The following MALRD1 variants were observed in gnomAD, a reference collection of about 807,000 sequenced individuals.
MALRD1 encodes the protein MAM and LDL-receptor class A domain-containing protein 1.
In MALRD1, 247 loss-of-function variants were observed where a neutral mutation model predicts 242.1. The ratio of observed to expected loss-of-function variants is 1.02; its 90% CI spans 0.92 to 1.13. The LOEUF (loss-of-function observed/expected upper bound fraction) is 1.13. Among genes scored for constraint, MALRD1 ranks in the 50% most tolerant of loss-of-function variants. The probability of loss-of-function intolerance (pLI) is 0.00; values close to 1 mark genes in which losing one functional copy is unlikely to be tolerated. For missense variants in MALRD1, 2,989 were observed against 2,533.1 expected (o/e 1.18, Z -3.86); for synonymous variants, 995 against 866.6 (o/e 1.15, Z -2.60).
intron 28 of MALRD1, among the ~76,000 whole-genome samples, chr10:19,416,086 A>T (rs1381162706): frequency 6.6e-6 from 1 of 152,206 alleles, no homozygotes; most frequent in African/African-American, 2.4e-5. Flanking sequence ...CTTCCAGGAT[A>T]AACTGAAGTT....
chr10:19,320,418 G>T (rs1380891294), intron 21 of MALRD1, among the ~76,000 whole-genome samples: 2 of 151,994 alleles, frequency 1.3e-5, no homozygotes, highest in Non-Finnish European at 2.9e-5. Context: ...TTTTATGGCT[G>T]CACAGTATTC....
upstream of MALRD1, chr10:19,048,731 A>T (rs1213313713): frequency 3.7e-5 from 14 of 375,660 alleles, no homozygotes; most frequent in Admixed American, 6.4e-4. Context: ...CAGCGTAATT[A>T]CTCAAGTTAA....
At chr10:19,337,976 T>G (rs1843683147) in intron 24 of MALRD1, among the ~76,000 whole-genome samples, 1 of 151,248 alleles carries the variant, frequency 6.6e-6, no homozygotes, top group Admixed American at 6.6e-5. Context: ...GCAGGGGAAT[T>G]GCTTGAACCC....
intron 21 of MALRD1, among the ~76,000 whole-genome samples, chr10:19,300,450 A>G (rs553617091): frequency 1.1e-4 from 17 of 151,824 alleles, no homozygotes; most frequent in African/African-American, 4.1e-4. Context: ...CATACTACCC[A>G]ATAAACTATA....
At chr10:19,224,376 TA>T (rs1434485157) in intron 18 of MALRD1, among the ~76,000 whole-genome samples, 1 of 148,766 alleles carries the variant, frequency 6.7e-6, no homozygotes, top group Non-Finnish European at 1.5e-5. Flanking sequence ...AACCTCCACC[TA>T]ATGGGTTCAA....
intron 22 of MALRD1, among the ~76,000 whole-genome samples, chr10:19,326,143 T>G (rs981989427): frequency 4.6e-5 from 7 of 152,136 alleles, no homozygotes; most frequent in Non-Finnish European, 1.0e-4. Flanking sequence ...CCAAATGGGC[T>G]TCTGGGTTGA....
At chr10:19,325,251 G>T (rs1843077030) in intron 22 of MALRD1, among the ~76,000 whole-genome samples, 1 of 151,866 alleles carries the variant, frequency 6.6e-6, no homozygotes, top group African/African-American at 2.4e-5. Context: ...AACTGTCTCA[G>T]ATTTGGAAAT....
At chr10:19,181,126 G>A (rs1835485044) in intron 14 of MALRD1, among the ~76,000 whole-genome samples, 1 of 152,158 alleles carries the variant, frequency 6.6e-6, no homozygotes, top group South Asian at 2.1e-4. Context: ...TGTGAATTGT[G>A]CAGCCATTAT....
At chr10:19,289,929 G>T (rs2131914817) in intron 21 of MALRD1, among the ~76,000 whole-genome samples, 1 of 151,864 alleles carries the variant, frequency 6.6e-6, no homozygotes, top group East Asian at 1.9e-4. Flanking sequence ...ATTGCTTCTG[G>T]CTCAGTAAAG....
chr10:19,124,691 T>C (rs1043502223), intron 7 of MALRD1, 21 bp downstream of exon 7: 1 of 1,232,752 alleles, frequency 8.1e-7, no homozygotes, highest in African/African-American at 1.6e-5. Context: ...AAATAATATC[T>C]TTTATGTATT....
At position 19,204,915 on chromosome 10, in the gene MALRD1, T is replaced by TGTCA; in HGVS notation, c.2231_2234dup (p.Gly746SerfsTer5). On this transcript the variant is annotated frameshift_variant, in exon 17 of 40. Transcript: ENST00000454679. LOFTEE classifies it high-confidence loss of function. ...TTTTTTAGGTTCTATAACTATGGCCTGTCAGTGGGAGCAGCTGAGCTGCAG... is the reference window on the plus strand; with the variant it reads ...TTTTTTAGGTTCTATAACTATGGCCTGTCAGTCAGTGGGAGCAGCTGAGCTGCAG... The TGTCA allele has an allele frequency of 6.5e-7, 1 of 1,548,222 alleles. No homozygotes were observed. Among genetic ancestry groups the TGTCA allele is most frequent in the Non-Finnish European group, 8.7e-7 (1 of 1,145,104 alleles).
chr10:19,586,035 G>A (rs954100400), intron 33 of MALRD1, among the ~76,000 whole-genome samples: 1 of 152,100 alleles, frequency 6.6e-6, no homozygotes, highest in East Asian at 1.9e-4. Context: ...TGAGGCTTCT[G>A]CATTCTTCAC....
chr10:19,099,907 T>C (rs1836189897), intron 4 of MALRD1, among the ~76,000 whole-genome samples: 1 of 151,924 alleles, frequency 6.6e-6, no homozygotes, highest in South Asian at 2.1e-4. Flanking sequence ...ATTACAGGTG[T>C]GTACCACCAC....
chr10:19,127,059 C>G (rs1460821370), intron 7 of MALRD1, among the ~76,000 whole-genome samples: 1 of 152,168 alleles, frequency 6.6e-6, no homozygotes, highest in Non-Finnish European at 1.5e-5. Flanking sequence ...CTTCCAGCTC[C>G]ATCCATGCTC....
At chr10:19,225,425 T>G (rs187682696) in intron 18 of MALRD1, among the ~76,000 whole-genome samples, 24 of 152,280 alleles carry the variant, frequency 1.6e-4, no homozygotes, top group Admixed American at 1.4e-3. Flanking sequence ...CTTTATCAGG[T>G]GTAGGCTATT....
intron 33 of MALRD1, among the ~76,000 whole-genome samples, chr10:19,592,000 C>A (rs1372364803): frequency 6.6e-6 from 1 of 152,184 alleles, no homozygotes; most frequent in East Asian, 1.9e-4. Flanking sequence ...GAAGGACTGC[C>A]TCTTGGCTAA....
chr10:19,516,793 TCTC>T (rs1213435379), intron 31 of MALRD1, among the ~76,000 whole-genome samples: 1 of 150,366 alleles, frequency 6.7e-6, no homozygotes, highest in African/African-American at 2.4e-5. Flanking sequence ...TTCTCCTCCT[TCTC>T]CTTCATCATT....
intron 21 of MALRD1, among the ~76,000 whole-genome samples, chr10:19,285,472 G>T (rs1039667303): frequency 6.6e-6 from 1 of 151,412 alleles, no homozygotes; most frequent in Non-Finnish European, 1.5e-5. Flanking sequence ...TCTACATATG[G>T]CTAGCCAGTT....
intron 31 of MALRD1, among the ~76,000 whole-genome samples, chr10:19,509,976 C>G (rs1271958461): frequency 1.3e-5 from 2 of 152,160 alleles, no homozygotes; most frequent in African/African-American, 2.4e-5. Context: ...TCTGAGTTCC[C>G]TCAGTATTTA....
Sources: gnomAD v4.1 joint callset for allele counts (sites outside exome capture counted in the v4.1 genomes callset) on GRCh38, gnomAD v4.1.1 for gene constraint, MANE v1.5 for transcripts, NCBI Gene and HGNC (gene_info 2026-07-23, HGNC 2026-07-21) for gene names.